The following DTL variants were observed in gnomAD, a reference collection of about 807,000 sequenced individuals.
The protein encoded by DTL is denticleless E3 ubiquitin protein ligase adapter.
A neutral mutation model predicts 87.0 loss-of-function variants in DTL; 46 were observed. The ratio of observed to expected loss-of-function variants is 0.53; its 90% CI spans 0.42 to 0.68. DTL has a LOEUF of 0.68. Among genes scored for constraint, DTL ranks in the 30% least tolerant of loss-of-function variants. DTL has a pLI of 0.00. For synonymous variants in DTL, 308 were observed against 311.2 expected (o/e 0.99, Z 0.11); for missense variants, 737 against 869.4 (o/e 0.85, Z 1.91).
At chr1:212,095,553 C>G (rs1655421220) in intron 13 of DTL, among the ~76,000 whole-genome samples, 1 of 152,124 alleles carries the variant, frequency 6.6e-6, no homozygotes, top group East Asian at 1.9e-4. Flanking sequence ...CCAGGCTGGT[C>G]TCAAACTCCT....
At chr1:212,078,078 C>G (rs1256531520) in intron 11 of DTL, 95 bp from the exon 12 acceptor site, 2 of 705,310 alleles carry the variant, frequency 2.8e-6, no homozygotes, top group Non-Finnish European at 4.8e-6. Flanking sequence ...TGGTAACAAT[C>G]CTAAAGCTCT....
chr1:212,084,524 A>G (rs543163627), intron 13 of DTL, among the ~76,000 whole-genome samples: 1 of 152,252 alleles, frequency 6.6e-6, no homozygotes, highest in African/African-American at 2.4e-5. Context: ...TTACAGTTTA[A>G]TAAGTCAGCT....
At chr1:212,085,035 GT>G (rs1394575573) in intron 13 of DTL, among the ~76,000 whole-genome samples, 1 of 152,178 alleles carries the variant, frequency 6.6e-6, no homozygotes, top group African/African-American at 2.4e-5. Context: ...TATATTAATA[GT>G]TGTTGTACTA....
chr1:212,064,055 G>A (rs1475844139), intron 6 of DTL, among the ~76,000 whole-genome samples: 1 of 151,776 alleles, frequency 6.6e-6, no homozygotes, highest in South Asian at 2.1e-4. Flanking sequence ...ACCACTCCCA[G>A]CTAGTTATGT....
At chr1:212,094,453 G>A (rs1655383592) in intron 13 of DTL, among the ~76,000 whole-genome samples, 1 of 152,136 alleles carries the variant, frequency 6.6e-6, no homozygotes. Flanking sequence ...CTATTGCATT[G>A]GTCTATGTGC....
At chr1:212,094,676 G>A (rs1363602281) in intron 13 of DTL, among the ~76,000 whole-genome samples, 1 of 152,180 alleles carries the variant, frequency 6.6e-6, no homozygotes, top group African/African-American at 2.4e-5. Flanking sequence ...CATTGAATTT[G>A]TAGATTGCTT....
intron 1 of DTL, among the ~76,000 whole-genome samples, chr1:212,042,292 C>T (rs1185233188): frequency 6.6e-6 from 1 of 152,072 alleles, no homozygotes; most frequent in East Asian, 1.9e-4. Flanking sequence ...TTTCTTCTAC[C>T]CTGAGTCTCT....
chr1:212,100,536 A>T lies in DTL; in HGVS notation c.1546A>T (p.Thr516Ser). 1 of 1,613,712 alleles carries T rather than the reference A, an allele frequency of 6.2e-7. No homozygotes were observed. Among genetic ancestry groups the T allele is most frequent in the Non-Finnish European group, 8.5e-7 (1 of 1,179,932 alleles). Residue 516 changes from threonine to serine, a missense_variant, in exon 14 of 15, where the codon ACT becomes TCT. Transcript: ENST00000366991. ...TRTPSSSPPITPPASETKIMS... is the reference protein window; with the variant it reads ...TRTPSSSPPISPPASETKIMS... ...AACACCTTCCTCATCACCACCCATCACTCCACCTGCTTCGGAGACCAAGAT... is the reference window on the plus strand; with the variant it reads ...AACACCTTCCTCATCACCACCCATCTCTCCACCTGCTTCGGAGACCAAGAT...
chr1:212,066,950 CAT>C, intron 8 of DTL, 65 bp downstream of exon 8: 3 of 1,313,076 alleles, frequency 2.3e-6, no homozygotes, highest in Non-Finnish European at 3.3e-6. Context: ...GAGGCAGTCA[CAT>C]AGTCTCATTA....
intron 5 of DTL, 46 bp downstream of exon 5, chr1:212,047,463 G>T: frequency 6.2e-7 from 1 of 1,609,630 alleles, no homozygotes. Flanking sequence ...CTTCTTTGCA[G>T]TTGGGAGATA....
intron 5 of DTL, among the ~76,000 whole-genome samples, chr1:212,049,288 A>G (rs574262179): frequency 1.4e-4 from 22 of 152,174 alleles, no homozygotes; most frequent in Non-Finnish European, 2.8e-4. Context: ...GGAACCTTGA[A>G]GGGGAAATAT....
At chr1:212,073,621 G>A (rs1279800038) in intron 11 of DTL, among the ~76,000 whole-genome samples, 1 of 152,118 alleles carries the variant, frequency 6.6e-6, no homozygotes, top group Non-Finnish European at 1.5e-5. Flanking sequence ...TTGTGAAAAT[G>A]CAACACTACT....
chr1:212,051,632 C>T, intron 5 of DTL: 2 of 811,376 alleles, frequency 2.5e-6, no homozygotes, highest in Non-Finnish European at 4.2e-6. Flanking sequence ...TTAGTTGAAC[C>T]CAGGTACCTT....
chr1:212,062,553 G>A (rs934206906), intron 5 of DTL, among the ~76,000 whole-genome samples: 4 of 152,114 alleles, frequency 2.6e-5, no homozygotes, highest in Non-Finnish European at 5.9e-5. Flanking sequence ...TATAAAACAC[G>A]CGGGATAGTA....
At chr1:212,077,244 T>C (rs1356699571) in intron 11 of DTL, among the ~76,000 whole-genome samples, 1 of 152,174 alleles carries the variant, frequency 6.6e-6, no homozygotes, top group East Asian at 1.9e-4. Flanking sequence ...TACTCGTTAT[T>C]GTGCTGATTA....
Position 212,035,793 on chromosome 1 carries a change from A to G in DTL, c.-98A>G, listed in dbSNP as rs191900771. 2 of 1,192,706 alleles carry G rather than the reference A, an allele frequency of 1.7e-6. No homozygotes were observed. Among genetic ancestry groups the G allele is most frequent in the East Asian group, 5.1e-5 (2 of 39,098 alleles). The allele number at this position is 1,192,706 out of a possible 1,614,324, so 73.9% of individuals were successfully genotyped here. Reference sequence around the variant, plus strand: ...TACAGTGGCGGGAGTTGGAGGCGATAACGATTTGTGTTGTGAGAGGCGCAA... The same window carrying G: ...TACAGTGGCGGGAGTTGGAGGCGATGACGATTTGTGTTGTGAGAGGCGCAA... On this transcript the variant is annotated 5_prime_UTR_variant, in exon 1 of 15. It adds an upstream start codon to the 5' untranslated region. Coordinates refer to ENST00000366991, the MANE Select transcript of DTL (RefSeq NM_016448.4).
intron 1 of DTL, among the ~76,000 whole-genome samples, chr1:212,041,408 C>T (rs979879091): frequency 7.4e-5 from 11 of 148,560 alleles, no homozygotes; most frequent in South Asian, 2.2e-4. Context: ...AATTCCAAAA[C>T]GTGTATATTT....
chr1:212,053,808 G>A (rs965875999), intron 5 of DTL, among the ~76,000 whole-genome samples: 4 of 151,976 alleles, frequency 2.6e-5, no homozygotes, highest in East Asian at 1.9e-4. Flanking sequence ...CTAAGTGTAC[G>A]TTTCTTTAAC....
chr1:212,098,190 G>A (rs1655505375), intron 13 of DTL, among the ~76,000 whole-genome samples: 1 of 152,150 alleles, frequency 6.6e-6, no homozygotes, highest in African/African-American at 2.4e-5. Flanking sequence ...TGTACTGGTT[G>A]TCTTGAATGC....
Sources: allele counts gnomAD v4.1 joint callset (sites outside exome capture counted in the v4.1 genomes callset), GRCh38; gene constraint gnomAD v4.1.1; transcripts MANE v1.5; gene names NCBI Gene and HGNC (gene_info 2026-07-23, HGNC 2026-07-21).